The following EPB41L4A variants were observed in gnomAD, a reference collection of about 807,000 sequenced individuals.
EPB41L4A encodes band 4.1-like protein 4A.
In EPB41L4A, 100 loss-of-function variants were observed where a neutral mutation model predicts 108.6. The ratio of observed to expected loss-of-function variants is 0.92; its 90% confidence interval spans 0.78 to 1.09. EPB41L4A has a LOEUF of 1.09. Among genes scored for constraint, EPB41L4A ranks in the 50% least tolerant of loss-of-function variants. The pLI, the probability that EPB41L4A is intolerant of heterozygous loss-of-function variation, is 0.00. For synonymous variants in EPB41L4A, 319 were observed against 289.0 expected, an observed-to-expected ratio of 1.10 and a Z score of -1.05; for missense variants, 1,030 against 842.7, an observed-to-expected ratio of 1.22 and a Z score of -2.75.
chr5:112,314,691 G>A (rs947280210), intron 1 of EPB41L4A, among the ~76,000 whole-genome samples: 9 of 151,884 alleles, frequency 5.9e-5, no homozygotes, highest in Admixed American at 5.3e-4. Context: ...GCCTGGGGAG[G>A]CTGAGACAGG....
At chr5:112,209,294 G>A (rs1168121462) in intron 13 of EPB41L4A, among the ~76,000 whole-genome samples, 1 of 152,204 alleles carries the variant, frequency 6.6e-6, no homozygotes, top group Admixed American at 6.5e-5. Flanking sequence ...AAGAAAAAAT[G>A]ACTCTGCAAC....
Position 112,165,098 on chromosome 5 carries a change from A to C in EPB41L4A, c.1953T>G (p.Asp651Glu), listed in dbSNP as rs1176568510. ...TCTGAGGTTTTTCTTCCATCAGGCT[A>C]TCTTTAGACCCATTTCTTCTCTAAA... The part of the protein sequence containing the change: ...TVHQRRNGSK[D>E]SLMEEKPQTS... The change falls in exon 23 of 23, where the codon GAT becomes GAG. Residue 651 changes from aspartate (D) to glutamate (E), a missense_variant. Transcript: ENST00000261486. 6.4e-7 allele frequency: 1 copy of C among 1,572,132 alleles called. No homozygotes were observed. Among genetic ancestry groups the C allele is most frequent in the Admixed American group, 1.8e-5 (1 of 54,758 alleles).
intron 5 of EPB41L4A, among the ~76,000 whole-genome samples, chr5:112,265,568 C>T (rs1275146646): frequency 1.3e-5 from 2 of 152,234 alleles, no homozygotes; most frequent in South Asian, 4.1e-4. Flanking sequence ...ACCTTGCAAG[C>T]CCCAACCCAC....
intron 1 of EPB41L4A, among the ~76,000 whole-genome samples, chr5:112,323,864 G>T (rs1755969045): frequency 6.6e-6 from 1 of 152,296 alleles, no homozygotes; most frequent in South Asian, 2.1e-4. Context: ...AGAGGAAAAA[G>T]AACCAGATTA....
intron 2 of EPB41L4A, among the ~76,000 whole-genome samples, chr5:112,306,809 G>A (rs918754071): frequency 8.8e-5 from 13 of 147,962 alleles, no homozygotes; most frequent in Non-Finnish European, 1.5e-4. Flanking sequence ...TCTCTACTCC[G>A]GACTGGAAGA....
intron 1 of EPB41L4A, among the ~76,000 whole-genome samples, chr5:112,413,859 A>G (rs1003225136): frequency 1.3e-5 from 2 of 152,214 alleles, no homozygotes; most frequent in African/African-American, 4.8e-5. Context: ...GCAGGGCTAG[A>G]TCAGGTAGGG....
intron 15 of EPB41L4A, among the ~76,000 whole-genome samples, chr5:112,196,383 T>A (rs770300823): frequency 6.6e-6 from 1 of 152,242 alleles, no homozygotes; most frequent in Non-Finnish European, 1.5e-5. Flanking sequence ...CTCTAAAGGA[T>A]AAAACGAATT....
At chr5:112,358,030 C>T (rs957171872) in intron 1 of EPB41L4A, among the ~76,000 whole-genome samples, 3 of 152,066 alleles carry the variant, frequency 2.0e-5, no homozygotes, top group Admixed American at 2.0e-4. Flanking sequence ...AGGCTACATA[C>T]GGACTCAGCA....
chr5:112,342,862 AC>A (rs1399473313), intron 1 of EPB41L4A, among the ~76,000 whole-genome samples: 2 of 151,190 alleles, frequency 1.3e-5, no homozygotes, highest in African/African-American at 4.8e-5. Flanking sequence ...TCCCAAGCAC[AC>A]ATTTCAGCAG....
chr5:112,288,453 T>C (rs1026701874), intron 2 of EPB41L4A, among the ~76,000 whole-genome samples: 3 of 152,090 alleles, frequency 2.0e-5, no homozygotes, highest in Non-Finnish European at 2.9e-5. Context: ...AAATACACAC[T>C]ACTTTTTATT....
chr5:112,222,295 T>C (rs1748122036), intron 12 of EPB41L4A, among the ~76,000 whole-genome samples: 2 of 152,344 alleles, frequency 1.3e-5, no homozygotes, highest in East Asian at 1.9e-4. Flanking sequence ...AACTTCCATT[T>C]ACTTTCCAAG....
At chr5:112,288,566 G>T (rs1753434916) in intron 2 of EPB41L4A, among the ~76,000 whole-genome samples, 1 of 152,172 alleles carries the variant, frequency 6.6e-6, no homozygotes, top group African/African-American at 2.4e-5. Flanking sequence ...CCTAATCAGA[G>T]AAATCACCAC....
At chr5:112,161,677 C>G, downstream of EPB41L4A, 2 of 504,438 alleles carry the variant, frequency 4.0e-6, no homozygotes, top group Non-Finnish European at 4.0e-6. Context: ...TATGGTTTCT[C>G]TTAGCCAGTT....
At chr5:112,395,817 T>C (rs544958428) in intron 1 of EPB41L4A, among the ~76,000 whole-genome samples, 1 of 152,332 alleles carries the variant, frequency 6.6e-6, no homozygotes, top group Admixed American at 6.5e-5. Flanking sequence ...GTGGCACTAT[T>C]CACAATAGCA....
intron 1 of EPB41L4A, among the ~76,000 whole-genome samples, chr5:112,381,148 TG>T (rs1460006624): frequency 6.6e-6 from 1 of 152,216 alleles, no homozygotes; most frequent in Non-Finnish European, 1.5e-5. Context: ...ACTATAATAC[TG>T]CTTCACAACA....
At chr5:112,241,212 T>C (rs550521250) in intron 9 of EPB41L4A, among the ~76,000 whole-genome samples, 1 of 152,222 alleles carries the variant, frequency 6.6e-6, no homozygotes, top group East Asian at 1.9e-4. Flanking sequence ...CTTTCAGGGA[T>C]GAACAAGTCA....
chr5:112,397,649 T>G (rs1263989142), intron 1 of EPB41L4A, among the ~76,000 whole-genome samples: 4 of 152,234 alleles, frequency 2.6e-5, no homozygotes, highest in Admixed American at 2.6e-4. Context: ...TTACATTTTC[T>G]TTGTCAATTT....
At chr5:112,223,911 G>A (rs1009910873) in intron 12 of EPB41L4A, among the ~76,000 whole-genome samples, 1 of 151,504 alleles carries the variant, frequency 6.6e-6, no homozygotes, top group Non-Finnish European at 1.5e-5. Flanking sequence ...CATGGTTAAA[G>A]TTAACTTTAT....
intron 12 of EPB41L4A, among the ~76,000 whole-genome samples, chr5:112,220,204 C>A (rs189703370): frequency 6.6e-6 from 1 of 152,146 alleles, no homozygotes; most frequent in Non-Finnish European, 1.5e-5. Flanking sequence ...AAAGACATCA[C>A]CACTGAGTCA....
Sources: allele counts gnomAD v4.1 joint callset (sites outside exome capture counted in the v4.1 genomes callset), GRCh38; gene constraint gnomAD v4.1.1; transcripts MANE v1.5; gene names NCBI Gene and HGNC (gene_info 2026-07-23, HGNC 2026-07-21).